Variants in VPS33A observed in about 807,000 individuals in gnomAD.
The protein encoded by VPS33A is vacuolar protein sorting-associated protein 33A.
VPS33A carries 32 observed loss-of-function variants against 71.8 expected under a neutral mutation model. That is an observed-to-expected ratio of 0.45 (90% CI 0.34 to 0.60). The LOEUF is 0.60. VPS33A is among the 20% of genes least tolerant of loss of function. VPS33A has a pLI of 0.02. For synonymous variants in VPS33A, 311 were observed against 292.7 expected (o/e 1.06, Z -0.64); for missense variants, 625 against 748.5 (o/e 0.84, Z 1.92).
intron 4 of VPS33A, among the ~76,000 whole-genome samples, chr12:122,258,112 G>A (rs951479931): frequency 6.6e-6 from 1 of 152,078 alleles, no homozygotes; most frequent in Admixed American, 6.6e-5. Flanking sequence ...ATTATAAGCT[G>A]GGCGCGGTGG....
At chr12:122,249,597 G>A (rs904552615) in intron 6 of VPS33A, 12 of 250,822 alleles carry the variant, frequency 4.8e-5, no homozygotes, top group Non-Finnish European at 6.8e-5. Context: ...AATGGAAATC[G>A]AAATTCTTAT....
intron 1 of VPS33A, chr12:122,265,838 G>C: frequency 2.6e-6 from 1 of 390,994 alleles, no homozygotes; most frequent in South Asian, 1.7e-5. Flanking sequence ...TACTGTTTTA[G>C]GAGGCCAGGT....
At chr12:122,257,293 G>T (rs998114179) in intron 4 of VPS33A, among the ~76,000 whole-genome samples, 3 of 151,876 alleles carry the variant, frequency 2.0e-5, no homozygotes, top group Non-Finnish European at 4.4e-5. Context: ...CGGGCGTGGT[G>T]GTGGATGCCT....
At chr12:122,252,299 C>T (rs1247660346) in intron 4 of VPS33A, among the ~76,000 whole-genome samples, 10 of 151,404 alleles carry the variant, frequency 6.6e-5, no homozygotes, top group Non-Finnish European at 8.8e-5. Flanking sequence ...GATGGAGTCT[C>T]GCTCTGTCGC....
chr12:122,242,953 A>T (rs971519968), intron 7 of VPS33A, among the ~76,000 whole-genome samples: 2 of 152,168 alleles, frequency 1.3e-5, no homozygotes, highest in South Asian at 4.1e-4. Context: ...TACATTACAT[A>T]AAAAAAGAGA....
intron 9 of VPS33A, 86 bp downstream of exon 9, chr12:122,239,779 AGGCAAGGCATGGG>A: frequency 7.9e-6 from 4 of 507,356 alleles, no homozygotes; most frequent in South Asian, 2.5e-5. Context: ...AAAAAAAAAA[AGGCAAGGCATGGG>A]AATCAAAGCA....
chr12:122,255,055 A>G (rs79833207), intron 4 of VPS33A, among the ~76,000 whole-genome samples: 2 of 45,234 alleles, frequency 4.4e-5, no homozygotes, highest in East Asian at 1.5e-3. Flanking sequence ...AGTTTCAAGG[A>G]AAAAAAAAAA....
intron 4 of VPS33A, among the ~76,000 whole-genome samples, chr12:122,260,500 T>A (rs1488477151): frequency 6.6e-6 from 1 of 152,014 alleles, no homozygotes; most frequent in Admixed American, 6.6e-5. Flanking sequence ...GGTTTCCCCA[T>A]GTTTCCCAGG....
chr12:122,232,647 T>C (rs928200139), intron 12 of VPS33A, among the ~76,000 whole-genome samples, 153 bp downstream of exon 12: 1 of 152,168 alleles, frequency 6.6e-6, no homozygotes, highest in Admixed American at 6.6e-5. Flanking sequence ...AATAATCCGA[T>C]TCGAGTTCTT....
intron 11 of VPS33A, 38 bp from the exon 12 acceptor site, chr12:122,233,006 A>G (rs749184147): frequency 6.6e-7 from 1 of 1,526,160 alleles, no homozygotes; most frequent in African/African-American, 1.4e-5. Context: ...CTATAGATAC[A>G]GAGACTTAGA....
At chr12:122,247,981 C>T (rs1352106679) in intron 6 of VPS33A, 3 of 152,198 alleles carry the variant, frequency 2.0e-5, no homozygotes, top group African/African-American at 7.2e-5. Flanking sequence ...ACTGCAAGCT[C>T]CACCTCCTAA....
At chr12:122,233,997 G>C (rs1030272055) in intron 11 of VPS33A, among the ~76,000 whole-genome samples, 1 of 152,092 alleles carries the variant, frequency 6.6e-6, no homozygotes, top group African/African-American at 2.4e-5. Context: ...CTAGTTATGA[G>C]CTTTTGTTGC....
intron 4 of VPS33A, among the ~76,000 whole-genome samples, chr12:122,254,085 T>C (rs1954881338): frequency 1.3e-5 from 2 of 152,152 alleles, no homozygotes; most frequent in Non-Finnish European, 2.9e-5. Flanking sequence ...GTTTTATATA[T>C]GCTGATTTTT....
Position 122,250,015 on chromosome 12 carries a change from T to C in VPS33A, c.631A>G (p.Arg211Gly), listed in dbSNP as rs777150938. 2.5e-6 allele frequency: 4 copies of C among 1,612,850 alleles called. No homozygotes were observed. Among genetic ancestry groups the C allele is most frequent in the South Asian group, 1.1e-5 (1 of 90,848 alleles). Reference sequence around the variant, plus strand: ...GAATTCTGGCTTCCTGTAAACTCTCTCTTCATCCTGATCATCATATTGGCC... The same window carrying C: ...GAATTCTGGCTTCCTGTAAACTCTCCCTTCATCCTGATCATCATATTGGCC... ...QVANMMIRMK[R>G]EFTGSQNSIF... is the part of the protein sequence containing the mutation. Residue 211 changes from arginine to glycine, a missense_variant, in exon 6 of 13, where the codon AGA (arginine) becomes GGA (glycine). Physicochemically the swap from Arg to Gly is moderately radical, Grantham distance 125. Coordinates refer to ENST00000267199, the MANE Select transcript of VPS33A (RefSeq NM_022916.6).
intron 4 of VPS33A, among the ~76,000 whole-genome samples, chr12:122,255,765 G>A (rs1010740463): frequency 2.0e-5 from 3 of 149,004 alleles, no homozygotes; most frequent in Admixed American, 6.7e-5. Context: ...AGGATTAGTC[G>A]GTGGTGCCAC....
chr12:122,237,534 CTTTTTTTTTTT>C (rs59918502), intron 10 of VPS33A, among the ~76,000 whole-genome samples: 1 of 111,792 alleles, frequency 8.9e-6, no homozygotes, highest in African/African-American at 3.7e-5. Flanking sequence ...TAAAGTTTTT[CTTTTTTTTTTT>C]TTTTTTTTTG....
Position 122,251,113 on chromosome 12 carries a change from G to A in VPS33A, c.484-14C>T. ...CAGGTAGCACTCCTGTGAGGGAAAAGGCCAATTATTGCCAGGCCATGGGGG... is the reference window on the plus strand; with the variant it reads ...CAGGTAGCACTCCTGTGAGGGAAAAAGCCAATTATTGCCAGGCCATGGGGG... On this transcript the variant is annotated splice_polypyrimidine_tract_variant and intron_variant, in intron 4 of 12. Coordinates refer to ENST00000267199, the MANE Select transcript of VPS33A (RefSeq NM_022916.6). 1 of 1,602,578 alleles carries A rather than the reference G, an allele frequency of 6.2e-7. No homozygotes were observed. Among genetic ancestry groups the A allele is most frequent in the East Asian group, 2.2e-5 (1 of 44,788 alleles).
chr12:122,264,076 G>GT (rs1566054820), intron 2 of VPS33A, 58 bp downstream of exon 2: 3 of 1,379,854 alleles, frequency 2.2e-6, no homozygotes. Context: ...AAATCCTATT[G>GT]TAACTGCTAA....
intron 6 of VPS33A, among the ~76,000 whole-genome samples, chr12:122,246,451 C>A (rs910760876): frequency 6.6e-6 from 1 of 151,814 alleles, no homozygotes; most frequent in African/African-American, 2.4e-5. Context: ...AGGCGCCCGC[C>A]ACCACACCCG....
Sources: allele counts gnomAD v4.1 joint callset (sites outside exome capture counted in the v4.1 genomes callset), GRCh38; gene constraint gnomAD v4.1.1; transcripts MANE v1.5; gene names NCBI Gene and HGNC (gene_info 2026-07-23, HGNC 2026-07-21).